Variants in TRAPPC8 observed in about 807,000 individuals in gnomAD.
TRAPPC8 encodes the protein general sporulation gene 1 homolog.
Under a neutral mutation model 174.3 loss-of-function variants are expected in TRAPPC8, and 54 were observed. The ratio of observed to expected loss-of-function variants is 0.31; its 90% CI spans 0.25 to 0.39. The LOEUF (loss-of-function observed/expected upper bound fraction) is 0.39, where lower values mean the gene tolerates loss of function less well. TRAPPC8 is among the 10% of genes least tolerant of loss of function. The pLI is 1.00. For missense variants in TRAPPC8, 1,531 were observed against 1,699.1 expected, an observed-to-expected ratio of 0.90 and a Z score of 1.74; for synonymous variants, 630 against 579.9, an observed-to-expected ratio of 1.09 and a Z score of -1.24.
At chr18:31,864,545 C>T in intron 19 of TRAPPC8, 82 bp downstream of exon 19, 1 of 1,389,952 alleles carries the variant, frequency 7.2e-7, no homozygotes, top group Non-Finnish European at 9.9e-7. Flanking sequence ...ATATCAAAAA[C>T]CTCAGAGCCT....
At chr18:31,869,747 T>A (rs1420502689) in intron 16 of TRAPPC8, among the ~76,000 whole-genome samples, 1 of 152,070 alleles carries the variant, frequency 6.6e-6, no homozygotes, top group Non-Finnish European at 1.5e-5. Flanking sequence ...AAAAGCAACA[T>A]ACACAGTATG....
In TRAPPC8 at chr18:31,931,342, G is replaced by A. The variant is rs1474989995; in HGVS notation, c.339C>T (p.Asp113=). 1 of 1,579,174 alleles carries A rather than the reference G, an allele frequency of 6.3e-7. No homozygotes were observed. The highest frequency in any genetic ancestry group is 8.6e-7 in the Non-Finnish European group (1 of 1,163,168). The part of the protein sequence containing the change: ...VANVITAGDY[D]LNISATTPWF... The stretch of plus-strand genomic sequence containing the variant: ...CTTGTTACATACCACTGATGTTAAG[G>A]TCATAATCTCCTGCTGTAATCACAT... Residue 113 remains aspartate, a synonymous_variant, in exon 2 of 29, where the codon GAC becomes GAT. Coordinates refer to ENST00000283351, the MANE Select transcript of TRAPPC8 (RefSeq NM_014939.5).
At chr18:31,921,489 T>A (rs957119870) in intron 2 of TRAPPC8, among the ~76,000 whole-genome samples, 1 of 151,878 alleles carries the variant, frequency 6.6e-6, no homozygotes, top group African/African-American at 2.4e-5. Context: ...GGGTGACACA[T>A]GCCTGTAATC....
rs1279246934 is a variant in TRAPPC8 at position 31,852,621 on chromosome 18, T to G, written c.3476A>C (p.Lys1159Thr). 3.1e-6 allele frequency: 5 copies of G among 1,613,902 alleles called. No homozygotes were observed. Among genetic ancestry groups the G allele is most frequent in the Non-Finnish European group, 4.2e-6 (5 of 1,179,998 alleles). ...ASREKGKFCF[K>T]AIRCEKEEAA... ...TTCTTCTTTCTCACATCTTATTGCCTTAAAGCAAAACTTTCCCTTCTCCCT... is the reference window on the plus strand; with the variant it reads ...TTCTTCTTTCTCACATCTTATTGCCGTAAAGCAAAACTTTCCCTTCTCCCT... The change falls in exon 23 of 29, where the codon AAG (lysine) becomes ACG (threonine). Residue 1159 changes from lysine to threonine, a missense_variant. Lys to Thr is a moderately conservative substitution (Grantham distance 78). Coordinates refer to ENST00000283351, the MANE Select transcript of TRAPPC8 (RefSeq NM_014939.5).
chr18:31,882,498 A>C (rs993065911), intron 12 of TRAPPC8, among the ~76,000 whole-genome samples: 4 of 152,154 alleles, frequency 2.6e-5, no homozygotes, highest in Non-Finnish European at 5.9e-5. Flanking sequence ...AAAACAACCT[A>C]CTGGATAATA....
intron 16 of TRAPPC8, among the ~76,000 whole-genome samples, chr18:31,868,856 C>A (rs1598635284): frequency 6.6e-6 from 1 of 152,114 alleles, no homozygotes; most frequent in Middle Eastern, 3.4e-3. Flanking sequence ...ATGTGTACCA[C>A]CACATCTGGC....
intron 8 of TRAPPC8, 70 bp from the exon 9 acceptor site, chr18:31,907,680 A>G: frequency 7.7e-7 from 1 of 1,294,120 alleles, no homozygotes; most frequent in Non-Finnish European, 1.0e-6. Context: ...AAATACATTA[A>G]CAAGCTGCCA....
At chr18:31,872,894 G>GT (rs2034944096) in intron 14 of TRAPPC8, among the ~76,000 whole-genome samples, 1 of 150,420 alleles carries the variant, frequency 6.6e-6, no homozygotes. Context: ...AATTACAACT[G>GT]TTTTGTTTTC....
rs1165781465 is a variant in TRAPPC8, at chr18:31,849,886, T to C, written c.3562-147A>G. The C allele has an allele frequency of 4.5e-6, 3 of 673,086 alleles. No individual in the cohort carries two copies. The African/African-American group carries it at 5.6e-5, about 13-fold the overall frequency. 41.7% of individuals were successfully genotyped at this position (673,086 alleles called of 1,614,324 possible). The stretch of plus-strand genomic sequence containing the variant: ...ATACCCAAAATACTTATTCAATAAT[T>C]CTTGTCAATGTAGTTGAATACAGGG... On this transcript the variant is annotated intron_variant, in intron 24 of 28. Transcript: ENST00000283351.
chr18:31,851,637 A>G (rs1306908233), intron 24 of TRAPPC8, among the ~76,000 whole-genome samples: 1 of 152,054 alleles, frequency 6.6e-6, no homozygotes, highest in African/African-American at 2.4e-5. Context: ...AATTACAGGC[A>G]TGAGCCACCA....
chr18:31,940,546 GTTGT>G (rs1444364462), intron 1 of TRAPPC8, among the ~76,000 whole-genome samples: 20 of 130,714 alleles, frequency 1.5e-4, no homozygotes, highest in Admixed American at 9.9e-4. Context: ...TTTTGTTGTT[GTTGT>G]TTGTTTGGTT....
At chr18:31,834,611 T>A (rs2032597575) in intron 27 of TRAPPC8, among the ~76,000 whole-genome samples, 1 of 152,210 alleles carries the variant, frequency 6.6e-6, no homozygotes, top group African/African-American at 2.4e-5. Context: ...TAATAATTGA[T>A]TCTACCTCTT....
chr18:31,914,087 C>T (rs2037030885), intron 4 of TRAPPC8, among the ~76,000 whole-genome samples: 1 of 146,108 alleles, frequency 6.8e-6, no homozygotes, highest in Non-Finnish European at 1.5e-5. Flanking sequence ...TGCTTGAGCC[C>T]AGGCACTGCA....
chr18:31,891,017 T>C, intron 11 of TRAPPC8, 151 bp from the exon 12 acceptor site: 1 of 530,020 alleles, frequency 1.9e-6, no homozygotes, highest in South Asian at 4.8e-5. Context: ...GGAAAACCAA[T>C]CTTGATTTTT....
intron 12 of TRAPPC8, among the ~76,000 whole-genome samples, chr18:31,877,335 G>A (rs769117296): frequency 2.0e-5 from 3 of 151,950 alleles, no homozygotes; most frequent in African/African-American, 4.8e-5. Context: ...GAGCCTGGCC[G>A]GGCGCGGTGG....
chr18:31,912,133 A>T (rs1941638592), intron 5 of TRAPPC8, among the ~76,000 whole-genome samples: 1 of 152,138 alleles, frequency 6.6e-6, no homozygotes, highest in South Asian at 2.1e-4. Flanking sequence ...GGAAAGTTGG[A>T]GGGAAATGCC....
intron 26 of TRAPPC8, among the ~76,000 whole-genome samples, chr18:31,841,533 C>T (rs971217431): frequency 5.9e-5 from 9 of 151,692 alleles, no homozygotes; most frequent in Non-Finnish European, 5.9e-5. Context: ...AATTCAGAAA[C>T]GTTAAAAAAA....
intron 4 of TRAPPC8, among the ~76,000 whole-genome samples, chr18:31,915,392 C>G (rs948492412): frequency 1.3e-5 from 2 of 148,226 alleles, no homozygotes; most frequent in Non-Finnish European, 3.0e-5. Flanking sequence ...ACTCAGGAAG[C>G]ACAGAGGCTG....
intron 1 of TRAPPC8, among the ~76,000 whole-genome samples, chr18:31,937,046 A>G (rs151180902): frequency 2.0e-5 from 3 of 151,424 alleles, no homozygotes; most frequent in African/African-American, 7.3e-5. Flanking sequence ...TCCCGTCTCT[A>G]CTAAAAAAAC....
Sources: gnomAD v4.1 joint callset for allele counts (sites outside exome capture counted in the v4.1 genomes callset) on GRCh38, gnomAD v4.1.1 for gene constraint, MANE v1.5 for transcripts, NCBI Gene and HGNC (gene_info 2026-07-23, HGNC 2026-07-21) for gene names.